Variants in ATF7 observed in about 807,000 individuals in gnomAD.
ATF7 encodes cyclic AMP-dependent transcription factor ATF-7.
Under a neutral mutation model 50.4 loss-of-function variants are expected in ATF7, and 10 were observed. The ratio of observed to expected loss-of-function variants is 0.20; its 90% CI spans 0.12 to 0.34. The LOEUF is 0.34. Among genes scored for constraint, ATF7 ranks in the 10% least tolerant of loss-of-function variants. The pLI, the probability that ATF7 is intolerant of heterozygous loss-of-function variation, is 1.00. For synonymous variants in ATF7, 201 were observed against 226.4 expected, an observed-to-expected ratio of 0.89 and a Z score of 1.01; for missense variants, 465 against 613.9, an observed-to-expected ratio of 0.76 and a Z score of 2.56.
intron 5 of ATF7, among the ~76,000 whole-genome samples, chr12:53,535,328 C>CAAAAAAAAAAAAAAAAAAAAAAAAAA (rs397938442): frequency 4.6e-5 from 3 of 64,966 alleles, no homozygotes; most frequent in African/African-American, 5.6e-5. Context: ...GACTCTGCCT[C>CAAAAAAAAAAAAAAAAAAAAAAAAAA]AAAAAAAAAA....
At chr12:53,619,047 G>A (rs1409024861) in intron 1 of ATF7, among the ~76,000 whole-genome samples, 1 of 144,634 alleles carries the variant, frequency 6.9e-6, no homozygotes, top group Non-Finnish European at 1.5e-5. Flanking sequence ...GCAAGACTCT[G>A]TCTCCAAAAA....
In ATF7 at chr12:53,516,039, G is replaced by T. The variant is rs948574005; in HGVS notation, c.*1098C>A. On this transcript the variant is annotated 3_prime_UTR_variant, in exon 12 of 12. Coordinates refer to ENST00000420353, the MANE Select transcript of ATF7 (RefSeq NM_006856.3). ...CCCCTACATGACAGCCTCCAGGAGG[G>T]CTGAGTCTGAAGTAGTTACAGAAGA... 1 of 152,180 alleles carries T rather than the reference G, an allele frequency of 6.6e-6. No homozygotes were observed. The highest frequency in any genetic ancestry group is 2.4e-5 in the African/African-American group (1 of 41,430). The allele number at this position is 152,180 out of a possible 1,614,324, so 9.4% of individuals were successfully genotyped here. A position where few individuals can be genotyped will look rare whatever the true frequency, so the allele number is the denominator to read the frequency against.
chr12:53,570,738 T>TGTGC (rs2137621561), intron 2 of ATF7, among the ~76,000 whole-genome samples: 1 of 4,660 alleles, frequency 2.1e-4, no homozygotes, highest in African/African-American at 4.3e-4. Flanking sequence ...CCTGTGTGCG[T>TGTGC]GTGTGTGTGT....
At chr12:53,612,798 G>A (rs1943949382) in intron 1 of ATF7, among the ~76,000 whole-genome samples, 1 of 152,226 alleles carries the variant, frequency 6.6e-6, no homozygotes, top group African/African-American at 2.4e-5. Context: ...GCAGCCAGGA[G>A]TTCGAGACCA....
intron 2 of ATF7, among the ~76,000 whole-genome samples, chr12:53,557,506 C>G (rs1016250205): frequency 6.6e-6 from 1 of 152,148 alleles, no homozygotes; most frequent in Non-Finnish European, 1.5e-5. Context: ...CCCAGCCCCT[C>G]GTTTGTTAAT....
chr12:53,602,779 T>G (rs1943454653), intron 1 of ATF7, among the ~76,000 whole-genome samples: 1 of 151,892 alleles, frequency 6.6e-6, no homozygotes, highest in African/African-American at 2.4e-5. Flanking sequence ...ATGAGGGGGG[T>G]TTTCTGGTTG....
At chr12:53,589,404 A>T (rs1942853120) in intron 2 of ATF7, among the ~76,000 whole-genome samples, 1 of 152,098 alleles carries the variant, frequency 6.6e-6, no homozygotes, top group African/African-American at 2.4e-5. Flanking sequence ...AAATCAAACA[A>T]TTTTCATTGT....
chr12:53,590,494 C>T (rs1942894020), intron 2 of ATF7, among the ~76,000 whole-genome samples: 2 of 152,176 alleles, frequency 1.3e-5, no homozygotes, highest in African/African-American at 4.8e-5. Context: ...CTTCCTCTTG[C>T]TTTTGCTCAA....
chr12:53,560,341 A>G (rs1487720103), intron 2 of ATF7, among the ~76,000 whole-genome samples: 1 of 152,010 alleles, frequency 6.6e-6, no homozygotes, highest in African/African-American at 2.4e-5. Flanking sequence ...TCTTTTCCTA[A>G]CCTCATTTAA....
chr12:53,611,450 G>A lies in ATF7; in HGVS notation c.-21-10429C>T, dbSNP rs906490656. Among the ~76,000 whole-genome samples, 4 of 140,918 alleles carry A rather than the reference G, an allele frequency of 2.8e-5. No homozygotes were observed. The Admixed American group carries it at 2.9e-4, about 10-fold the overall frequency. 92.4% of individuals were successfully genotyped at this position (140,918 alleles called of 152,430 possible). On this transcript the variant is annotated intron_variant, in intron 1 of 11. Transcript: ENST00000420353. ...CCTGGTGACAGAGCGAGACTCTATC[G>A]CAAAACAAACAAACAAACAAACAAA... is the stretch of plus-strand genomic sequence containing the variant.
intron 1 of ATF7, among the ~76,000 whole-genome samples, chr12:53,607,142 A>T (rs919520721): frequency 2.4e-4 from 36 of 152,286 alleles, no homozygotes; most frequent in Non-Finnish European, 4.0e-4. Context: ...GGCCACACTG[A>T]CTTCCACAAT....
chr12:53,579,842 C>CCT (rs148548019), intron 2 of ATF7, among the ~76,000 whole-genome samples: 5,913 of 152,288 alleles, frequency 0.039, 224 homozygotes, highest in East Asian at 0.19. Context: ...GTGCGCAATG[C>CCT]CTCAGCACAG....
At chr12:53,600,429 C>G (rs891405467) in intron 2 of ATF7, among the ~76,000 whole-genome samples, 4 of 152,064 alleles carry the variant, frequency 2.6e-5, no homozygotes, top group African/African-American at 9.7e-5. Context: ...GAACCTCCAC[C>G]TCTTGGGCTC....
intron 2 of ATF7, among the ~76,000 whole-genome samples, chr12:53,571,277 C>CT (rs892795777): frequency 1.3e-5 from 2 of 152,086 alleles, no homozygotes; most frequent in African/African-American, 4.8e-5. Flanking sequence ...TCTTGGTGGG[C>CT]TTTTGGTCTC....
At chr12:53,572,192 G>A (rs1327078018) in intron 2 of ATF7, among the ~76,000 whole-genome samples, 1 of 152,120 alleles carries the variant, frequency 6.6e-6, no homozygotes, top group Non-Finnish European at 1.5e-5. Context: ...AATAACAGTT[G>A]TCACTCTATC....
At chr12:53,581,398 C>T (rs1049323923) in intron 2 of ATF7, among the ~76,000 whole-genome samples, 1 of 152,152 alleles carries the variant, frequency 6.6e-6, no homozygotes, top group African/African-American at 2.4e-5. Context: ...ATTATACATT[C>T]TTCTTAGCTC....
chr12:53,593,171 C>T (rs1329230352), intron 2 of ATF7, among the ~76,000 whole-genome samples: 2 of 152,110 alleles, frequency 1.3e-5, no homozygotes, highest in Admixed American at 6.6e-5. Context: ...TTGGGAGCCT[C>T]GGGTGAGAGG....
At chr12:53,541,524 A>T (rs771783763) in intron 4 of ATF7, among the ~76,000 whole-genome samples, 2 of 152,168 alleles carry the variant, frequency 1.3e-5, no homozygotes, top group Non-Finnish European at 2.9e-5. Flanking sequence ...TGCTTCTTCA[A>T]GTATTTCCTC....
chr12:53,604,895 T>C (rs1943540540), intron 1 of ATF7, among the ~76,000 whole-genome samples: 1 of 152,168 alleles, frequency 6.6e-6, no homozygotes, highest in Non-Finnish European at 1.5e-5. Flanking sequence ...ACAATAGGCC[T>C]TTACACAAAA....
Sources: gnomAD v4.1 joint callset for allele counts (sites outside exome capture counted in the v4.1 genomes callset) on GRCh38, gnomAD v4.1.1 for gene constraint, MANE v1.5 for transcripts, NCBI Gene and HGNC (gene_info 2026-07-23, HGNC 2026-07-21) for gene names.